SNX8: variants seen among roughly 807,000 people sequenced by gnomAD.
The protein encoded by SNX8 is sorting nexin 8.
SNX8 carries 25 observed loss-of-function variants against 51.6 expected under a neutral mutation model. The observed-to-expected ratio is 0.48, with a 90% CI of 0.35 to 0.68. The LOEUF (loss-of-function observed/expected upper bound fraction) is 0.68, where lower values mean the gene tolerates loss of function less well. SNX8 is among the 30% of genes least tolerant of loss of function. SNX8 has a pLI of 0.00. For missense variants in SNX8, 695 were observed against 624.0 expected (o/e 1.11, Z -1.21); for synonymous variants, 324 against 277.0 (o/e 1.17, Z -1.68).
At chr7:2,334,414 AG>A (rs1201573963) in intron 1 of SNX8, among the ~76,000 whole-genome samples, 2 of 151,546 alleles carry the variant, frequency 1.3e-5, no homozygotes, top group Admixed American at 6.6e-5. Flanking sequence ...AAAAAAAAAA[AG>A]TGCTGGGCAC....
chr7:2,279,222 T>A (rs1464898624), intron 1 of SNX8, among the ~76,000 whole-genome samples: 1 of 106,338 alleles, frequency 9.4e-6, no homozygotes, highest in African/African-American at 3.7e-5. Context: ...CCGGACTCAC[T>A]CACACTACGG....
rs551195869 is a variant in SNX8 at position 2,267,635 on chromosome 7, G to A, written c.621+1924C>T. ...AGTGCTCAATGGTGCCCAGGCTGGA[G>A]TGCAGTGACGTGATCTCGGCTCACT... On this transcript the variant is annotated intron_variant, in intron 5 of 10. Coordinates refer to ENST00000222990, the MANE Select transcript of SNX8 (RefSeq NM_013321.4). Among the ~76,000 whole-genome samples, 245 of 148,644 alleles carry A rather than the reference G, an allele frequency of 1.6e-3. 2 individuals carry two copies. In the East Asian group the frequency reaches 0.017, roughly 10 times the overall value.
At chr7:2,300,974 G>C (rs183507421) in intron 1 of SNX8, among the ~76,000 whole-genome samples, 2 of 152,110 alleles carry the variant, frequency 1.3e-5, no homozygotes, top group African/African-American at 4.8e-5. Flanking sequence ...AACCTCGAAC[G>C]AGACAAGTAA....
rs1307158769 is a variant in SNX8, at chr7:2,256,924, A to G, written c.1234T>C (p.Ser412Pro). ...TTGACGAAGGCGCGGAGGATGTGGG[A>G]GGTGAGGGGCAGGTAGACGTGGATG... ...QLIHVYLPLT[S>P]HILRAFVNSQ... is the part of the protein sequence containing the mutation. The change falls in exon 10 of 11, where the codon TCC becomes CCC. Residue 412 changes from serine to proline, a missense_variant. Coordinates refer to ENST00000222990, the MANE Select transcript of SNX8 (RefSeq NM_013321.4). 1 of 1,613,496 alleles carries G rather than the reference A, an allele frequency of 6.2e-7. No homozygotes were observed. The highest frequency in any genetic ancestry group is 8.5e-7 in the Non-Finnish European group (1 of 1,179,820).
chr7:2,268,524 C>G (rs1795547392), intron 5 of SNX8, among the ~76,000 whole-genome samples: 1 of 146,890 alleles, frequency 6.8e-6, no homozygotes, highest in Non-Finnish European at 1.5e-5. Flanking sequence ...CCCGCCCGGC[C>G]AGCCGTGCCA....
chr7:2,347,500 G>GGAA (rs752168967), intron 1 of SNX8, among the ~76,000 whole-genome samples: 7 of 125,310 alleles, frequency 5.6e-5, no homozygotes, highest in African/African-American at 1.8e-4. Flanking sequence ...AAAAAAAAAA[G>GGAA]AAAAAAAAAA....
At chr7:2,302,253 C>A (rs1332925577) in intron 1 of SNX8, among the ~76,000 whole-genome samples, 2 of 152,224 alleles carry the variant, frequency 1.3e-5, no homozygotes, top group African/African-American at 2.4e-5. Context: ...CAGGCTCGCG[C>A]CGCCACGCCT....
At chr7:2,299,503 T>C (rs1162412850) in intron 1 of SNX8, 1 of 152,122 alleles carries the variant, frequency 6.6e-6, no homozygotes, top group Non-Finnish European at 1.5e-5. Flanking sequence ...GGGTCTCTCA[T>C]TTCGGGAATG....
intron 1 of SNX8, among the ~76,000 whole-genome samples, chr7:2,335,573 C>T (rs980727541): frequency 1.1e-4 from 16 of 152,226 alleles, no homozygotes; most frequent in South Asian, 1.0e-3. Flanking sequence ...GAGGCCGAGG[C>T]GGGCGTATCA....
intron 1 of SNX8, among the ~76,000 whole-genome samples, chr7:2,324,818 T>C (rs1778595950): frequency 1.3e-5 from 2 of 152,088 alleles, no homozygotes. Flanking sequence ...CTTTTTTTAA[T>C]TTTTTGAGAC....
At chr7:2,345,729 T>C (rs1159781714) in intron 1 of SNX8, among the ~76,000 whole-genome samples, 1 of 151,796 alleles carries the variant, frequency 6.6e-6, no homozygotes, top group Non-Finnish European at 1.5e-5. Context: ...GGATTTTATT[T>C]GCGTCAACAT....
In SNX8 at chr7:2,257,022, T is replaced by C; in HGVS notation, c.1136A>G (p.Gln379Arg). The C allele has an allele frequency of 6.3e-7, 1 of 1,599,164 alleles. No homozygotes were observed. Among genetic ancestry groups the C allele is most frequent in the South Asian group, 1.1e-5 (1 of 90,180 alleles). The change falls in exon 10 of 11, where the codon CAG becomes CGG. Residue 379 changes from glutamine to arginine, a missense_variant and splice_region_variant. Physicochemically the swap from Gln to Arg is conservative, Grantham distance 43. Coordinates refer to ENST00000222990, the MANE Select transcript of SNX8 (RefSeq NM_013321.4). ...CTCCATCGTCTGAATCGCGTTCTCC[T>C]GCTGCGGAGCAAACAGCCGCCTTTC... ...VEQLESRIVE[Q>R]ENAIQTMELR...
chr7:2,291,094 G>C (rs1014586743), intron 1 of SNX8, among the ~76,000 whole-genome samples: 4 of 152,054 alleles, frequency 2.6e-5, no homozygotes, highest in Admixed American at 2.6e-4. Context: ...CCAGGAGTTT[G>C]AGACCAACCT....
chr7:2,272,301 C>T (rs1189998579), intron 3 of SNX8, among the ~76,000 whole-genome samples: 2 of 152,202 alleles, frequency 1.3e-5, no homozygotes, highest in Admixed American at 6.5e-5. Flanking sequence ...CTTCCATAAT[C>T]CCCTCCTGGC....
chr7:2,258,687 C>T (rs1374653413), intron 7 of SNX8, among the ~76,000 whole-genome samples: 3 of 152,042 alleles, frequency 2.0e-5, no homozygotes, highest in African/African-American at 7.3e-5. Flanking sequence ...GCAGGAAGGA[C>T]GTGCTGCTGA....
chr7:2,313,391 T>C (rs182319700), intron 1 of SNX8, among the ~76,000 whole-genome samples: 64 of 151,336 alleles, frequency 4.2e-4, no homozygotes, highest in Non-Finnish European at 7.2e-4. Context: ...CCGAGTGTCA[T>C]GGTGGATGCC....
intron 1 of SNX8, among the ~76,000 whole-genome samples, chr7:2,305,392 C>G (rs1460025828): frequency 6.6e-6 from 1 of 152,160 alleles, no homozygotes; most frequent in Admixed American, 6.5e-5. Flanking sequence ...GAGATAAAGT[C>G]TTGCTCTGTT....
At chr7:2,296,474 T>C (rs1015483920) in intron 1 of SNX8, among the ~76,000 whole-genome samples, 1 of 151,998 alleles carries the variant, frequency 6.6e-6, no homozygotes, top group African/African-American at 2.4e-5. Flanking sequence ...CTAGGAGTCT[T>C]CTAGAGGAGT....
chr7:2,256,757 A>G lies in SNX8; in HGVS notation c.1284+117T>C, dbSNP rs1704778096. ...TGTTCCAAGGCCCATGCGGAGCCCAACTCCACTAAAGAACCTCTCTAGGGC... is the reference window on the plus strand; with the variant it reads ...TGTTCCAAGGCCCATGCGGAGCCCAGCTCCACTAAAGAACCTCTCTAGGGC... On this transcript the variant is annotated intron_variant, in intron 10 of 10. Transcript: ENST00000222990. 9 of 1,007,122 alleles carry G rather than the reference A, an allele frequency of 8.9e-6. No homozygotes were observed. In the East Asian group the frequency reaches 1.6e-4, roughly 18 times the overall value. 62.4% of individuals were successfully genotyped at this position (1,007,122 alleles called of 1,614,324 possible).
Sources: gnomAD v4.1 joint callset for allele counts (sites outside exome capture counted in the v4.1 genomes callset) on GRCh38, gnomAD v4.1.1 for gene constraint, MANE v1.5 for transcripts, NCBI Gene and HGNC (gene_info 2026-07-23, HGNC 2026-07-21) for gene names.